The following AMZ1 variants were observed in gnomAD, a reference collection of about 807,000 sequenced individuals.
AMZ1 encodes the protein archaelysin family metallopeptidase 1, also known as archaemetzincin-1.
A neutral mutation model predicts 29.9 loss-of-function variants in AMZ1; 39 were observed. The ratio of observed to expected loss-of-function variants is 1.30; its 90% CI spans 1.01 to 1.70. The LOEUF (loss-of-function observed/expected upper bound fraction) is 1.70, where lower values mean the gene tolerates loss of function less well. Among genes scored for constraint, AMZ1 ranks in the 40% most tolerant of loss-of-function variants. AMZ1 has a pLI of 0.00. For synonymous variants in AMZ1, 458 were observed against 304.0 expected, an observed-to-expected ratio of 1.51 and a Z score of -5.27; for missense variants, 1,041 against 680.6, an observed-to-expected ratio of 1.53 and a Z score of -5.89.
chr7:2,741,705 T>C (rs1790513956), intron 4 of AMZ1, among the ~76,000 whole-genome samples: 1 of 152,032 alleles, frequency 6.6e-6, no homozygotes, highest in Non-Finnish European at 1.5e-5. Context: ...ACACAGACTT[T>C]TAAAAATCCG....
In AMZ1 at chr7:2,712,556, A is replaced by T; in HGVS notation, c.1175A>T (p.Glu392Val). 6.2e-7 allele frequency: 1 copy of T among 1,610,168 alleles called. No homozygotes were observed. Among genetic ancestry groups the T allele is most frequent in the Non-Finnish European group, 8.5e-7 (1 of 1,178,442 alleles). ...EEGLSYLAAS[E>V]APLPPGGPAE... ...GGGCTGAGCTACCTGGCAGCCTCAG[A>T]GGCTCCGCTGCCACCTGGGGGCCCT... Residue 392 changes from glutamate (E) to valine (V), a missense_variant, in exon 7 of 7, where the codon GAG (glutamate) becomes GTG (valine). Physicochemically the swap from Glu to Val is moderately radical, Grantham distance 121. Coordinates refer to ENST00000683327, the MANE Select transcript of AMZ1 (RefSeq NM_001384743.1).
intron 4 of AMZ1, among the ~76,000 whole-genome samples, chr7:2,745,533 A>G (rs1790724560): frequency 6.6e-6 from 1 of 152,234 alleles, no homozygotes; most frequent in African/African-American, 2.4e-5. Flanking sequence ...TAAACATGGA[A>G]AGGAGCAACT....
intron 4 of AMZ1, among the ~76,000 whole-genome samples, chr7:2,739,861 G>A (rs1029349993): frequency 3.3e-5 from 5 of 152,110 alleles, no homozygotes; most frequent in African/African-American, 7.2e-5. Context: ...TAGTAGAGAC[G>A]GGGGTTTCAC....
chr7:2,760,885 CA>C (rs1263444216), upstream of AMZ1, among the ~76,000 whole-genome samples: 4 of 152,224 alleles, frequency 2.6e-5, no homozygotes, highest in Non-Finnish European at 5.9e-5. Context: ...ATCCTCACAG[CA>C]ATGTGGCTTC....
At chr7:2,704,737 C>T (rs1023517506) in intron 3 of AMZ1, among the ~76,000 whole-genome samples, 4 of 151,854 alleles carry the variant, frequency 2.6e-5, no homozygotes, top group East Asian at 1.9e-4. Flanking sequence ...GCTGGGCCTA[C>T]AGGCGCCCAG....
chr7:2,738,444 G>A (rs1227740239), intron 4 of AMZ1, among the ~76,000 whole-genome samples: 1 of 152,198 alleles, frequency 6.6e-6, no homozygotes, highest in Non-Finnish European at 1.5e-5. Flanking sequence ...GAAGAGCTCC[G>A]TGGCTGGAAG....
At chr7:2,699,095 G>A (rs955649708) in intron 1 of AMZ1, among the ~76,000 whole-genome samples, 5 of 152,038 alleles carry the variant, frequency 3.3e-5, no homozygotes, top group South Asian at 4.1e-4. Flanking sequence ...TTTCTGGTTC[G>A]TTTCTAGCCT....
chr7:2,762,738 C>G (rs1791622815), upstream of AMZ1: 1 of 1,555,362 alleles, frequency 6.4e-7, no homozygotes. Flanking sequence ...TGTCCTCCCT[C>G]CCGCAGGAAG....
intron 1 of AMZ1, among the ~76,000 whole-genome samples, chr7:2,681,552 T>C (rs947896761): frequency 9.9e-5 from 15 of 152,260 alleles, no homozygotes; most frequent in African/African-American, 3.6e-4. Flanking sequence ...TGAGCCACGG[T>C]GCCCAGCCAA....
intron 3 of AMZ1, among the ~76,000 whole-genome samples, chr7:2,707,457 C>T (rs999967797): frequency 6.6e-6 from 1 of 152,006 alleles, no homozygotes; most frequent in African/African-American, 2.4e-5. Flanking sequence ...CTGCTCTGCC[C>T]CCTTCCCTCC....
intron 4 of AMZ1, among the ~76,000 whole-genome samples, chr7:2,739,141 T>C (rs1208428051): frequency 6.6e-6 from 1 of 152,234 alleles, no homozygotes; most frequent in Non-Finnish European, 1.5e-5. Flanking sequence ...ACCAGCCCCC[T>C]TGCCTGGGTT....
chr7:2,757,759 T>G (rs1401895272), intron 4 of AMZ1, among the ~76,000 whole-genome samples: 1 of 152,236 alleles, frequency 6.6e-6, no homozygotes, highest in Non-Finnish European at 1.5e-5. Flanking sequence ...AAATGTCATC[T>G]TCCCTGCACA....
intron 4 of AMZ1, among the ~76,000 whole-genome samples, chr7:2,738,227 C>T (rs995944369): frequency 1.5e-4 from 22 of 151,630 alleles, no homozygotes; most frequent in Admixed American, 1.3e-3. Context: ...CAAGCCTGGC[C>T]AACATGGTGA....
chr7:2,760,247 C>G (rs1201350561), upstream of AMZ1: 3 of 152,432 alleles, frequency 2.0e-5, no homozygotes, highest in Non-Finnish European at 4.4e-5. Context: ...CACACCCCAG[C>G]ACGAGCTGCT....
chr7:2,725,926 TC>T (rs950165081), intron 4 of AMZ1, among the ~76,000 whole-genome samples: 3 of 118,346 alleles, frequency 2.5e-5, no homozygotes, highest in Non-Finnish European at 5.3e-5. Flanking sequence ...CCCGCTGCAG[TC>T]CCCCCACCGA....
chr7:2,685,224 G>A (rs896497618), upstream of AMZ1, among the ~76,000 whole-genome samples: 2 of 151,720 alleles, frequency 1.3e-5, no homozygotes, highest in African/African-American at 2.4e-5. Flanking sequence ...GGGTTGGGGG[G>A]AGGATATTCC....
chr7:2,737,296 T>TTG, intron 4 of AMZ1, among the ~76,000 whole-genome samples: 1 of 117,332 alleles, frequency 8.5e-6, no homozygotes, highest in Non-Finnish European at 1.8e-5. Flanking sequence ...TTTGTTTTTT[T>TTG]TTTTTTTTTT....
intron 3 of AMZ1, 33 bp downstream of exon 3, chr7:2,702,922 A>AGGCAGGCCCC: frequency 6.4e-7 from 1 of 1,550,410 alleles, no homozygotes; most frequent in Non-Finnish European, 8.6e-7. Flanking sequence ...GCTCAGGCCA[A>AGGCAGGCCCC]GGCAGGCCCC....
At chr7:2,762,698 T>C, upstream of AMZ1, 1 of 1,573,628 alleles carries the variant, frequency 6.4e-7, no homozygotes, top group South Asian at 1.2e-5. Context: ...GCTGCCCGGG[T>C]GGAGGAGCGC....
Sources: allele counts gnomAD v4.1 joint callset (sites outside exome capture counted in the v4.1 genomes callset), GRCh38; gene constraint gnomAD v4.1.1; transcripts MANE v1.5; gene names NCBI Gene and HGNC (gene_info 2026-07-23, HGNC 2026-07-21).